GFRA1: variants seen among roughly 807,000 people sequenced by gnomAD.
GFRA1 encodes the protein GDNF family receptor alpha 1.
GFRA1 carries 16 observed loss-of-function variants against 51.6 expected under a neutral mutation model. The ratio of observed to expected loss-of-function variants is 0.31; its 90% confidence interval spans 0.21 to 0.47. The LOEUF is 0.47. GFRA1 is among the 20% of genes least tolerant of loss of function. GFRA1 has a pLI of 1.00. For synonymous variants in GFRA1, 270 were observed against 241.3 expected (o/e 1.12, Z -1.10); for missense variants, 530 against 594.3 (o/e 0.89, Z 1.13).
Position 116,111,907 on chromosome 10 carries a change from C to T in GFRA1, c.770+13314G>A, listed in dbSNP as rs549749718. 7.6e-4 allele frequency among the ~76,000 whole-genome samples: 115 copies of T among 152,308 alleles called. 1 individual carries two copies. The highest frequency in any genetic ancestry group is 2.6e-3 in the African/African-American group (108 of 41,574). On this transcript the variant is annotated intron_variant, in intron 6 of 10. Transcript: ENST00000355422. The stretch of plus-strand genomic sequence containing the variant: ...CCCACGAGGCTGGGCTGGCACAGCA[C>T]CGGTGACTGTCCCTGCATGTGCGCT...
intron 4 of GFRA1, among the ~76,000 whole-genome samples, chr10:116,260,860 G>C (rs1589920633): frequency 6.6e-6 from 1 of 152,032 alleles, no homozygotes; most frequent in Non-Finnish European, 1.5e-5. Flanking sequence ...CTAAATTACA[G>C]GAAGTGGTAA....
intron 5 of GFRA1, among the ~76,000 whole-genome samples, chr10:116,159,698 C>T (rs1180747661): frequency 6.6e-6 from 1 of 151,828 alleles, no homozygotes; most frequent in Non-Finnish European, 1.5e-5. Flanking sequence ...CCACCATGGA[C>T]AAGTGAAGTG....
Position 116,073,250 on chromosome 10 carries a change from C to T in GFRA1, c.1198-7624G>A, listed in dbSNP as rs142168597. Among the ~76,000 whole-genome samples the T allele has an allele frequency of 4.3e-3, 660 of 152,306 alleles. 4 individuals are homozygous for T. Among genetic ancestry groups the T allele is most frequent in the African/African-American group, 0.015 (632 of 41,554 alleles). On this transcript the variant is annotated intron_variant, in intron 9 of 10. Transcript: ENST00000355422. ...AATGGCAAGATGGCAAGGAGTGCTG[C>T]GTGCAGACTCTGTCTACAGCATAGA...
intron 4 of GFRA1, among the ~76,000 whole-genome samples, chr10:116,260,663 A>G (rs145798365): frequency 3.4e-4 from 52 of 152,336 alleles, no homozygotes; most frequent in African/African-American, 1.2e-3. Context: ...ACAGAAGATA[A>G]AAAATCATAA....
At chr10:116,074,021 T>C (rs1955514804) in intron 9 of GFRA1, among the ~76,000 whole-genome samples, 1 of 152,192 alleles carries the variant, frequency 6.6e-6, no homozygotes, top group East Asian at 1.9e-4. Flanking sequence ...CTAGAAAGTA[T>C]AGGAAAACCA....
intron 6 of GFRA1, among the ~76,000 whole-genome samples, chr10:116,105,680 C>T (rs1956979492): frequency 6.6e-6 from 1 of 152,190 alleles, no homozygotes. Context: ...AAAATGTACA[C>T]ATGCCCCTGG....
At chr10:116,256,982 C>CTT (rs771443486) in intron 4 of GFRA1, among the ~76,000 whole-genome samples, 53,556 of 151,900 alleles carry the variant, frequency 0.35, 9,558 homozygotes, top group Non-Finnish European at 0.4. Context: ...CAGAAGTCCA[C>CTT]CCTGAGCCCA....
chr10:116,163,935 C>T (rs1960105824), intron 5 of GFRA1, among the ~76,000 whole-genome samples: 1 of 152,206 alleles, frequency 6.6e-6, no homozygotes, highest in Admixed American at 6.5e-5. Flanking sequence ...AGATCTTGCG[C>T]AATGTCAGCA....
intron 5 of GFRA1, among the ~76,000 whole-genome samples, chr10:116,147,995 T>C (rs1483821071): frequency 1.4e-5 from 2 of 144,814 alleles, no homozygotes; most frequent in African/African-American, 5.0e-5. Context: ...TGGTTTTATC[T>C]AGTGTGAAGG....
intron 5 of GFRA1, among the ~76,000 whole-genome samples, chr10:116,165,444 C>G (rs1005514757): frequency 6.6e-6 from 1 of 152,180 alleles, no homozygotes; most frequent in African/African-American, 2.4e-5. Flanking sequence ...ACTTCCTGCT[C>G]TCTCACATGA....
chr10:116,071,176 AG>A (rs1437041593), intron 9 of GFRA1, among the ~76,000 whole-genome samples: 2 of 152,168 alleles, frequency 1.3e-5, no homozygotes, highest in Non-Finnish European at 2.9e-5. Flanking sequence ...AGGCTGGGCA[AG>A]CGTGCTTCTG....
intron 5 of GFRA1, among the ~76,000 whole-genome samples, chr10:116,191,645 C>T (rs77817146): frequency 0.016 from 2,374 of 152,252 alleles, 47 homozygotes; most frequent in African/African-American, 0.053. Context: ...CATTTTAAAG[C>T]GAGCTAAAGC....
At chr10:116,220,868 G>T (rs939146383) in intron 4 of GFRA1, among the ~76,000 whole-genome samples, 7 of 152,016 alleles carry the variant, frequency 4.6e-5, no homozygotes, top group African/African-American at 1.5e-4. Flanking sequence ...ACACTACCAG[G>T]ACCTTTCATT....
At chr10:116,267,986 G>C (rs2134808644) in intron 4 of GFRA1, among the ~76,000 whole-genome samples, 1 of 150,866 alleles carries the variant, frequency 6.6e-6, no homozygotes, top group African/African-American at 2.5e-5. Context: ...CTTTTCCTCT[G>C]AAGGAAAAGA....
At chr10:116,086,886 C>A (rs569716062) in intron 9 of GFRA1, among the ~76,000 whole-genome samples, 2 of 152,210 alleles carry the variant, frequency 1.3e-5, no homozygotes, top group Admixed American at 6.5e-5. Flanking sequence ...GGTGCAATCA[C>A]GGCTCACTGC....
intron 9 of GFRA1, among the ~76,000 whole-genome samples, chr10:116,086,079 T>C (rs553712032): frequency 1.4e-4 from 22 of 152,332 alleles, no homozygotes; most frequent in Middle Eastern, 3.4e-3. Flanking sequence ...TGTGTGATTC[T>C]GGATATGTCA....
intron 5 of GFRA1, among the ~76,000 whole-genome samples, chr10:116,206,191 G>C (rs1941064160): frequency 6.6e-6 from 1 of 152,120 alleles, no homozygotes; most frequent in Admixed American, 6.6e-5. Context: ...TTACCTGGAA[G>C]TGGTAAAAAT....
At chr10:116,129,062 C>G (rs1417575956) in intron 5 of GFRA1, among the ~76,000 whole-genome samples, 1 of 152,154 alleles carries the variant, frequency 6.6e-6, no homozygotes, top group Non-Finnish European at 1.5e-5. Context: ...AATCCGCAAC[C>G]TGGAATATTC....
chr10:116,220,952 T>C (rs1014975351), intron 4 of GFRA1, among the ~76,000 whole-genome samples: 26 of 152,312 alleles, frequency 1.7e-4, no homozygotes, highest in African/African-American at 6.3e-4. Context: ...GTTATTTTCT[T>C]TCTCTCTCTT....
Sources: allele counts gnomAD v4.1 joint callset (sites outside exome capture counted in the v4.1 genomes callset), GRCh38; gene constraint gnomAD v4.1.1; transcripts MANE v1.5; gene names NCBI Gene and HGNC (gene_info 2026-07-23, HGNC 2026-07-21).